APLF: variants seen among roughly 807,000 people sequenced by gnomAD.
APLF encodes the protein aprataxin and PNK-like factor.
Under a neutral mutation model 55.6 loss-of-function variants are expected in APLF, and 61 were observed. The ratio of observed to expected loss-of-function variants is 1.10; its 90% CI spans 0.89 to 1.36. The LOEUF (loss-of-function observed/expected upper bound fraction) is 1.36. Ranked by LOEUF, APLF falls within the 40% of genes most tolerant of loss-of-function variation. The pLI is 0.00. For missense variants in APLF, 611 were observed against 602.5 expected, an observed-to-expected ratio of 1.01 and a Z score of -0.15; for synonymous variants, 207 against 214.8, an observed-to-expected ratio of 0.96 and a Z score of 0.32.
intron 1 of APLF, among the ~76,000 whole-genome samples, chr2:68,487,138 A>G (rs1676201817): frequency 6.6e-6 from 1 of 152,270 alleles, no homozygotes; most frequent in East Asian, 1.9e-4. Flanking sequence ...GTATGCCATT[A>G]GATAAGCAGG....
At chr2:68,476,532 C>T (rs1292755705) in intron 1 of APLF, among the ~76,000 whole-genome samples, 1 of 145,208 alleles carries the variant, frequency 6.9e-6, no homozygotes, top group Non-Finnish European at 1.5e-5. Flanking sequence ...AGCAGGAAGA[C>T]AAAATAAGCA....
Position 68,538,219 on chromosome 2 carries a change from C to G in APLF, c.1152C>G (p.Asn384Lys), listed in dbSNP as rs765492547. The G allele has an allele frequency of 2.5e-6, 4 of 1,599,808 alleles. No homozygotes were observed. Among genetic ancestry groups the G allele is most frequent in the South Asian group, 2.3e-5 (2 of 88,500 alleles). The change falls in exon 7 of 10, where the codon AAC becomes AAG. Residue 384 changes from asparagine (N) to lysine (K), a missense_variant. Transcript: ENST00000303795. ...GGACATCCTGCATGTATGGGGCAAA[C>G]TGCTATAGGTAAAATGAAATTACAG... ...VKRTSCMYGA[N>K]CYRKNPVHFQ... is the part of the protein sequence containing the mutation.
At chr2:68,517,710 C>T (rs950947917) in intron 5 of APLF, among the ~76,000 whole-genome samples, 1 of 144,566 alleles carries the variant, frequency 6.9e-6, no homozygotes, top group African/African-American at 2.5e-5. Flanking sequence ...AATAATATAT[C>T]ACTAATATAT....
chr2:68,533,399 A>G (rs796907125), intron 6 of APLF, among the ~76,000 whole-genome samples: 1 of 152,228 alleles, frequency 6.6e-6, no homozygotes, highest in Non-Finnish European at 1.5e-5. Context: ...CTGAAACAAC[A>G]TAAGCGAAAA....
intron 5 of APLF, chr2:68,515,547 T>C: frequency 1.0e-6 from 1 of 959,086 alleles, no homozygotes; most frequent in Non-Finnish European, 1.2e-6. Context: ...TAGTTCAACA[T>C]GTATTTCATT....
chr2:68,499,836 T>A (rs1048085414), intron 2 of APLF, among the ~76,000 whole-genome samples: 1 of 151,968 alleles, frequency 6.6e-6, no homozygotes, highest in African/African-American at 2.4e-5. Flanking sequence ...AGACTCTGTC[T>A]CAAAAAAAGA....
chr2:68,559,049 T>C (rs1671095105), intron 8 of APLF, among the ~76,000 whole-genome samples: 1 of 152,212 alleles, frequency 6.6e-6, no homozygotes, highest in Non-Finnish European at 1.5e-5. Context: ...GACAAAGTGA[T>C]AAAGTGTTTT....
rs1669733692 is a variant in APLF at position 68,518,461 on chromosome 2, T to C, written c.622+4781T>C. On this transcript the variant is annotated intron_variant, in intron 5 of 9. Coordinates refer to ENST00000303795, the MANE Select transcript of APLF (RefSeq NM_173545.3). ...ATATATAATAATATATTATATATTA[T>C]ATAACATATTAATAATACATAATAA... Among the ~76,000 whole-genome samples, 5 of 114,810 alleles carry C rather than the reference T, an allele frequency of 4.4e-5. No homozygotes were observed. In the South Asian group the frequency reaches 1.2e-3, roughly 28 times the overall value. The allele number at this position is 114,810 out of a possible 152,430, so 75.3% of individuals were successfully genotyped here.
chr2:68,549,778 T>C (rs1670806534), intron 8 of APLF, among the ~76,000 whole-genome samples: 1 of 152,152 alleles, frequency 6.6e-6, no homozygotes, highest in African/African-American at 2.4e-5. Flanking sequence ...ATAGGTTTGT[T>C]TATTTCTCTG....
intron 8 of APLF, among the ~76,000 whole-genome samples, chr2:68,559,883 T>A (rs1286556842): frequency 6.6e-6 from 1 of 152,156 alleles, no homozygotes; most frequent in Non-Finnish European, 1.5e-5. Context: ...TGGCTTCCTA[T>A]AACAAACTGT....
chr2:68,478,889 A>G (rs557824110), intron 1 of APLF, among the ~76,000 whole-genome samples: 9 of 152,344 alleles, frequency 5.9e-5, no homozygotes, highest in African/African-American at 2.2e-4. Flanking sequence ...CTTGGAGGGA[A>G]AAGATAACCA....
chr2:68,543,825 T>C lies in APLF; in HGVS notation c.1161-1362T>C, dbSNP rs1170371026. On this transcript the variant is annotated intron_variant, in intron 7 of 9. Transcript: ENST00000303795. ...AATCATATAAATATAAAAGGGCTGG[T>C]TCAAAGAAGTGCATACTAGTATATA... 2.6e-5 allele frequency among the ~76,000 whole-genome samples: 4 copies of C among 152,092 alleles called. No homozygotes were observed. The East Asian group carries it at 7.7e-4, about 29-fold the overall frequency.
intron 5 of APLF, among the ~76,000 whole-genome samples, chr2:68,518,477 TAC>T (rs1489576340): frequency 9.6e-5 from 11 of 114,044 alleles, no homozygotes; most frequent in Non-Finnish European, 1.1e-4. Context: ...ATATTAATAA[TAC>T]ATAATAACAT....
At chr2:68,521,151 G>A (rs374989983) in intron 5 of APLF, among the ~76,000 whole-genome samples, 2 of 151,952 alleles carry the variant, frequency 1.3e-5, no homozygotes, top group African/African-American at 2.4e-5. Flanking sequence ...AACTGTTGGT[G>A]TATAGCAGTA....
At chr2:68,494,987 T>G (rs1230119014) in intron 2 of APLF, among the ~76,000 whole-genome samples, 1 of 152,176 alleles carries the variant, frequency 6.6e-6, no homozygotes, top group African/African-American at 2.4e-5. Flanking sequence ...CATGCACTAT[T>G]TGGAAGATAG....
At chr2:68,521,900 C>G (rs1333532439) in intron 5 of APLF, among the ~76,000 whole-genome samples, 1 of 151,952 alleles carries the variant, frequency 6.6e-6, no homozygotes, top group Non-Finnish European at 1.5e-5. Context: ...GACTACAGTT[C>G]AAAATGTACT....
intron 3 of APLF, among the ~76,000 whole-genome samples, chr2:68,506,429 G>T (rs1301937784): frequency 6.6e-6 from 1 of 151,782 alleles, no homozygotes. Context: ...ACTTCTAGAC[G>T]TTTCTTGATA....
At chr2:68,561,688 A>C (rs940022278) in intron 8 of APLF, among the ~76,000 whole-genome samples, 4 of 152,060 alleles carry the variant, frequency 2.6e-5, no homozygotes, top group African/African-American at 9.7e-5. Context: ...TTTAATGAGT[A>C]CTTTGATTAT....
intron 6 of APLF, among the ~76,000 whole-genome samples, chr2:68,537,223 T>A (rs1313814587): frequency 6.6e-6 from 1 of 152,124 alleles, no homozygotes; most frequent in Non-Finnish European, 1.5e-5. Flanking sequence ...GACTCATTGT[T>A]GAACAGTGAC....
Sources: gnomAD v4.1 joint callset for allele counts (sites outside exome capture counted in the v4.1 genomes callset) on GRCh38, gnomAD v4.1.1 for gene constraint, MANE v1.5 for transcripts, NCBI Gene and HGNC (gene_info 2026-07-23, HGNC 2026-07-21) for gene names.